Variants in ADARB2 observed in about 807,000 individuals in gnomAD.
The protein encoded by ADARB2 is adenosine deaminase RNA specific B2 (inactive).
ADARB2 carries 25 observed loss-of-function variants against 62.2 expected under a neutral mutation model. That is an observed-to-expected ratio of 0.40 (90% CI 0.29 to 0.56). The LOEUF is 0.56. ADARB2 is among the 20% of genes least tolerant of loss of function. ADARB2 has a pLI of 0.43. For synonymous variants in ADARB2, 572 were observed against 500.8 expected (o/e 1.14, Z -1.90); for missense variants, 1,071 against 1,077.4 (o/e 0.99, Z 0.08).
chr10:1,664,869 C>T (rs1019768820), intron 1 of ADARB2, among the ~76,000 whole-genome samples: 2 of 152,198 alleles, frequency 1.3e-5, no homozygotes, highest in African/African-American at 4.8e-5. Context: ...TTCTTCTGTG[C>T]CCCACTGAGT....
At chr10:1,543,175 G>C (rs11250604) in intron 1 of ADARB2, among the ~76,000 whole-genome samples, 2 of 152,128 alleles carry the variant, frequency 1.3e-5, no homozygotes, top group South Asian at 4.1e-4. Flanking sequence ...GGATGGCGGC[G>C]TTGAGAGCCA....
In ADARB2 at chr10:1,504,083, A is replaced by G. The variant is rs1831802972; in HGVS notation, c.101-124923T>C. ...CAATCCTTCACTCTGCCAGTATTTCATGAAGCAGGCACAAATGACATGGAA... is the reference window on the plus strand; with the variant it reads ...CAATCCTTCACTCTGCCAGTATTTCGTGAAGCAGGCACAAATGACATGGAA... On this transcript the variant is annotated intron_variant, in intron 1 of 9. Coordinates refer to ENST00000381312, the MANE Select transcript of ADARB2 (RefSeq NM_018702.4). Among the ~76,000 whole-genome samples, 2 of 152,192 alleles carry G rather than the reference A, an allele frequency of 1.3e-5. 1 individual carries two copies. Among genetic ancestry groups the G allele is most frequent in the South Asian group, 4.1e-4 (2 of 4,824 alleles).
At chr10:1,678,461 A>C (rs1312179089) in intron 1 of ADARB2, 3 of 522,840 alleles carry the variant, frequency 5.7e-6, no homozygotes, top group Non-Finnish European at 7.4e-6. Context: ...GGTCACACTC[A>C]AGGTCACCGA....
intron 1 of ADARB2, among the ~76,000 whole-genome samples, chr10:1,662,066 G>A (rs907565704): frequency 2.0e-5 from 3 of 152,194 alleles, no homozygotes; most frequent in Non-Finnish European, 2.9e-5. Flanking sequence ...CTAAGCCCGG[G>A]ACCCAGACAT....
chr10:1,426,459 C>A lies in ADARB2; in HGVS notation c.101-47299G>T, dbSNP rs950803464. On this transcript the variant is annotated intron_variant, in intron 1 of 9. Coordinates refer to ENST00000381312, the MANE Select transcript of ADARB2 (RefSeq NM_018702.4). The surrounding 1 kb of genome is among the most constrained non-coding windows in gnomAD (Gnocchi z 4.1). ...CTTCTGCGTGGCGATTTGGAGAACA[C>A]AGTCAGCATGCACACACATCATTCT... Among the ~76,000 whole-genome samples the A allele has an allele frequency of 6.6e-6, 1 of 152,144 alleles. No homozygotes were observed. The highest frequency in any genetic ancestry group is 1.5e-5 in the Non-Finnish European group (1 of 68,022).
intron 1 of ADARB2, among the ~76,000 whole-genome samples, chr10:1,600,175 A>G (rs1833391366): frequency 6.6e-6 from 1 of 152,178 alleles, no homozygotes; most frequent in African/African-American, 2.4e-5. Context: ...GAGTGGTGGG[A>G]AAAGCAAATC....
At chr10:1,633,564 C>CTATCTATCTATCTA (rs1833873872) in intron 1 of ADARB2, among the ~76,000 whole-genome samples, 2 of 145,572 alleles carry the variant, frequency 1.4e-5, no homozygotes, top group Non-Finnish European at 3.0e-5. Flanking sequence ...ATCTATCTAT[C>CTATCTATCTATCTA]TATCTATCTA....
At chr10:1,344,456 G>T (rs1832059936) in intron 3 of ADARB2, among the ~76,000 whole-genome samples, 1 of 152,200 alleles carries the variant, frequency 6.6e-6, no homozygotes, top group African/African-American at 2.4e-5. Context: ...AAGAATTAAA[G>T]TTACACTTAC....
At chr10:1,511,036 G>A (rs12780851) in intron 1 of ADARB2, among the ~76,000 whole-genome samples, 1 of 152,152 alleles carries the variant, frequency 6.6e-6, no homozygotes, top group South Asian at 2.1e-4. Context: ...AAATTATTTC[G>A]TAGAGATGGG....
At chr10:1,430,296 T>C (rs1189002732) in intron 1 of ADARB2, among the ~76,000 whole-genome samples, 1 of 152,152 alleles carries the variant, frequency 6.6e-6, no homozygotes, top group East Asian at 1.9e-4. Context: ...AATATTCAAG[T>C]AAGCCACAGT....
intron 1 of ADARB2, among the ~76,000 whole-genome samples, chr10:1,546,061 C>T (rs965855107): frequency 2.0e-5 from 3 of 152,110 alleles, no homozygotes; most frequent in Non-Finnish European, 2.9e-5. Context: ...ATCACTGCAT[C>T]GGAAGAGCAA....
At chr10:1,733,879 T>C (rs1490273319) in intron 1 of ADARB2, among the ~76,000 whole-genome samples, 1 of 152,210 alleles carries the variant, frequency 6.6e-6, no homozygotes, top group African/African-American at 2.4e-5. Context: ...CAAGTGCTAC[T>C]ATTTTCCGAA....
At chr10:1,641,158 G>T (rs1208475131) in intron 1 of ADARB2, among the ~76,000 whole-genome samples, 2 of 152,146 alleles carry the variant, frequency 1.3e-5, no homozygotes, top group Non-Finnish European at 2.9e-5. Flanking sequence ...ACCAAGGGTG[G>T]ATCTCATTAT....
At chr10:1,367,052 G>A (rs1169836507) in intron 2 of ADARB2, among the ~76,000 whole-genome samples, 1 of 151,960 alleles carries the variant, frequency 6.6e-6, no homozygotes, top group Non-Finnish European at 1.5e-5. Context: ...CACGCTCCCC[G>A]CCCCTCAGCT....
At chr10:1,323,043 G>T (rs2131828429) in intron 3 of ADARB2, among the ~76,000 whole-genome samples, 1 of 151,874 alleles carries the variant, frequency 6.6e-6, no homozygotes, top group South Asian at 2.1e-4. Context: ...GTTGGTTAGT[G>T]GAAAGTTTTT....
intron 1 of ADARB2, among the ~76,000 whole-genome samples, chr10:1,728,320 A>G (rs1835191828): frequency 6.6e-6 from 1 of 152,226 alleles, no homozygotes; most frequent in Non-Finnish European, 1.5e-5. Flanking sequence ...ACAAACCAAC[A>G]TTCTTTTTCA....
intron 1 of ADARB2, among the ~76,000 whole-genome samples, chr10:1,497,116 C>T (rs1246812729): frequency 6.6e-6 from 1 of 152,124 alleles, no homozygotes; most frequent in Non-Finnish European, 1.5e-5. Flanking sequence ...CCTAAGTCGT[C>T]ACATCAATGA....
chr10:1,703,405 G>A (rs61831994), intron 1 of ADARB2, among the ~76,000 whole-genome samples: 3 of 152,172 alleles, frequency 2.0e-5, no homozygotes, highest in Non-Finnish European at 4.4e-5. Context: ...TTGGAGCCTG[G>A]ATGCTGGTGA....
rs967318556 is a variant in ADARB2, at chr10:1,439,964, A to C, written c.101-60804T>G. Among the ~76,000 whole-genome samples, 3 of 126,462 alleles carry C rather than the reference A, an allele frequency of 2.4e-5. No homozygotes were observed. The Admixed American group carries it at 2.4e-4, about 10-fold the overall frequency. The allele number at this position is 126,462 out of a possible 152,430, so 83.0% of individuals were successfully genotyped here. A position where few individuals can be genotyped will look rare whatever the true frequency, so the allele number is the denominator to read the frequency against. ...GGGCTCCTGAGTCTCCTCGGTGGAC[A>C]GAAGCAGTTTCTTCACTATGGGGCT... On this transcript the variant is annotated intron_variant, in intron 1 of 9. Coordinates refer to ENST00000381312, the MANE Select transcript of ADARB2 (RefSeq NM_018702.4).
Sources: allele counts gnomAD v4.1 joint callset (sites outside exome capture counted in the v4.1 genomes callset), GRCh38; gene constraint gnomAD v4.1.1; non-coding constraint Gnocchi (gnomAD v3.1); transcripts MANE v1.5; gene names NCBI Gene and HGNC (gene_info 2026-07-23, HGNC 2026-07-21).